Variants in SBF2 observed in about 807,000 individuals in gnomAD.
SBF2 encodes myotubularin-related protein 13.
SBF2 carries 112 observed loss-of-function variants against 225.2 expected under a neutral mutation model. The ratio of observed to expected loss-of-function variants is 0.50; its 90% CI spans 0.43 to 0.58. The LOEUF (loss-of-function observed/expected upper bound fraction) is 0.58, where lower values mean the gene tolerates loss of function less well. SBF2 is among the 20% of genes least tolerant of loss of function. The pLI, the probability that SBF2 is intolerant of heterozygous loss-of-function variation, is 0.00. For missense variants in SBF2, 1,996 were observed against 2,206.2 expected, an observed-to-expected ratio of 0.90 and a Z score of 1.91; for synonymous variants, 763 against 773.3, an observed-to-expected ratio of 0.99 and a Z score of 0.22.
chr11:10,148,843 G>C (rs558992196), intron 2 of SBF2, among the ~76,000 whole-genome samples: 1 of 152,166 alleles, frequency 6.6e-6, no homozygotes, highest in African/African-American at 2.4e-5. Flanking sequence ...GAAATTCCTT[G>C]TTAAGGCCCT....
chr11:9,864,561 A>AT (rs1564930263), intron 17 of SBF2, among the ~76,000 whole-genome samples: 1 of 151,828 alleles, frequency 6.6e-6, no homozygotes, highest in Non-Finnish European at 1.5e-5. Flanking sequence ...TAATTTCTGT[A>AT]TTTTTTGTAG....
At position 10,014,738 on chromosome 11, in the gene SBF2, G is replaced by T. The variant is rs549403684; in HGVS notation, c.620-12049C>A. ...TCTTTCCTTTCTTCTTATCCTAATT[G>T]AATTTTTTAATATATGTAAGACACA... On this transcript the variant is annotated intron_variant, in intron 6 of 39. Transcript: ENST00000256190. 9.9e-5 allele frequency among the ~76,000 whole-genome samples: 15 copies of T among 151,840 alleles called. No individual in the cohort carries two copies. The South Asian group carries it at 2.9e-3, about 30-fold the overall frequency.
intron 17 of SBF2, among the ~76,000 whole-genome samples, chr11:9,887,111 C>T (rs950577532): frequency 6.6e-6 from 1 of 151,236 alleles, no homozygotes; most frequent in Non-Finnish European, 1.5e-5. Context: ...CAAAAGGGTC[C>T]AAACCTTTTT....
intron 1 of SBF2, among the ~76,000 whole-genome samples, chr11:10,255,821 T>C (rs1377568584): frequency 1.3e-5 from 2 of 152,208 alleles, no homozygotes; most frequent in Non-Finnish European, 2.9e-5. Flanking sequence ...ACATAGCTAA[T>C]GAATGGCAAA....
chr11:9,796,298 G>C (rs1853120411), intron 32 of SBF2, among the ~76,000 whole-genome samples: 1 of 152,184 alleles, frequency 6.6e-6, no homozygotes, highest in South Asian at 2.1e-4. Flanking sequence ...ACAGTAGTTA[G>C]TGAGCCCAAA....
intron 26 of SBF2, chr11:9,838,038 T>C (rs1855846655): frequency 1.3e-4 from 1 of 7,492 alleles, no homozygotes; most frequent in Non-Finnish European, 6.9e-4. Flanking sequence ...GCCCAGCCAC[T>C]TTTTTTTTTT....
intron 13 of SBF2, among the ~76,000 whole-genome samples, chr11:9,975,324 A>G (rs2134411448): frequency 6.6e-6 from 1 of 152,358 alleles, no homozygotes; most frequent in African/African-American, 2.4e-5. Flanking sequence ...AAAAAGGAAT[A>G]AACAACTGTA....
chr11:9,962,531 G>A (rs1377119115), intron 15 of SBF2, among the ~76,000 whole-genome samples: 1 of 152,014 alleles, frequency 6.6e-6, no homozygotes, highest in African/African-American at 2.4e-5. Context: ...CTTTTAAACT[G>A]GTTGGCTGCT....
rs188004598 is a variant in SBF2, at chr11:10,162,199, T to C, written c.141+31703A>G. Among the ~76,000 whole-genome samples, 40 of 150,574 alleles carry C rather than the reference T, an allele frequency of 2.7e-4. No homozygotes were observed. In the East Asian group the frequency reaches 4.6e-3, roughly 17 times the overall value. On this transcript the variant is annotated intron_variant, in intron 2 of 39. Coordinates refer to ENST00000256190, the MANE Select transcript of SBF2 (RefSeq NM_030962.4). ...CCTACCTTGTCTTTTTTTTTTTTTT[T>C]CCAACAGGGCAGAAAAATACATCCC...
At chr11:9,906,549 T>A (rs1040836887) in intron 16 of SBF2, among the ~76,000 whole-genome samples, 2 of 152,200 alleles carry the variant, frequency 1.3e-5, no homozygotes, top group East Asian at 3.8e-4. Context: ...GATTGCAAAA[T>A]ATAAATAAAA....
At chr11:10,292,714 GA>G (rs1471245807) in intron 1 of SBF2, among the ~76,000 whole-genome samples, 3 of 151,396 alleles carry the variant, frequency 2.0e-5, no homozygotes, top group Non-Finnish European at 2.9e-5. Context: ...TAAAAGTGGG[GA>G]GGGGGGGAGG....
At chr11:9,933,218 C>A (rs1864630732) in intron 16 of SBF2, among the ~76,000 whole-genome samples, 1 of 152,094 alleles carries the variant, frequency 6.6e-6, no homozygotes, top group Non-Finnish European at 1.5e-5. Context: ...TGGGAGACTT[C>A]AACACCCCAC....
At chr11:10,184,212 T>A (rs1376407953) in intron 2 of SBF2, among the ~76,000 whole-genome samples, 1 of 152,182 alleles carries the variant, frequency 6.6e-6, no homozygotes. Context: ...AATAAATTCA[T>A]GATATATATG....
intron 27 of SBF2, among the ~76,000 whole-genome samples, chr11:9,830,426 G>A (rs971534944): frequency 1.4e-4 from 21 of 152,196 alleles, no homozygotes; most frequent in African/African-American, 4.8e-4. Context: ...TCAATTGTAA[G>A]ATGCATTGCA....
At chr11:9,833,067 CT>C (rs1355791758) in intron 26 of SBF2, among the ~76,000 whole-genome samples, 2 of 152,304 alleles carry the variant, frequency 1.3e-5, no homozygotes, top group East Asian at 3.9e-4. Flanking sequence ...TCATAGATCA[CT>C]GAGATGACAT....
At chr11:10,242,684 G>C (rs1327002678) in intron 1 of SBF2, among the ~76,000 whole-genome samples, 9 of 152,068 alleles carry the variant, frequency 5.9e-5, no homozygotes, top group Non-Finnish European at 1.2e-4. Context: ...AAGAGAGCAA[G>C]GGTGACTGTA....
intron 17 of SBF2, among the ~76,000 whole-genome samples, chr11:9,879,952 T>C (rs1036573201): frequency 5.3e-5 from 8 of 151,858 alleles, no homozygotes; most frequent in African/African-American, 1.9e-4. Context: ...GGTGTGGTGG[T>C]GCACACCGGT....
rs377348270 is a variant in SBF2 at position 9,994,577 on chromosome 11, C to CATATATATATATATATATATATAT, written c.976-580_976-579insATATATATATATATATATATATAT. 5.2e-3 allele frequency among the ~76,000 whole-genome samples: 695 copies of CATATATATATATATATATATATAT among 133,880 alleles called. 25 individuals carry two copies. Among genetic ancestry groups the CATATATATATATATATATATATAT allele is most frequent in the East Asian group, 0.046 (184 of 4,010 alleles). 87.8% of individuals were successfully genotyped at this position (133,880 alleles called of 152,430 possible). On this transcript the variant is annotated intron_variant, in intron 9 of 39. Transcript: ENST00000256190. ...AATAAACCCTAAATCTATATATGTA[C>CATATATATATATATATATATATAT]ATATATATATATATATGAAAATGAA...
At chr11:10,245,248 C>G (rs746220425) in intron 1 of SBF2, among the ~76,000 whole-genome samples, 50 of 150,800 alleles carry the variant, frequency 3.3e-4, no homozygotes, top group Non-Finnish European at 5.6e-4. Flanking sequence ...TCATAAAAAT[C>G]AAAACCACAT....
Sources: allele counts gnomAD v4.1 joint callset (sites outside exome capture counted in the v4.1 genomes callset), GRCh38; gene constraint gnomAD v4.1.1; transcripts MANE v1.5; gene names NCBI Gene and HGNC (gene_info 2026-07-23, HGNC 2026-07-21).